SESN3: variants seen among roughly 807,000 people sequenced by gnomAD.
SESN3 encodes the protein sestrin-3.
In SESN3, 21 loss-of-function variants were observed where a neutral mutation model predicts 55.3. The observed-to-expected ratio is 0.38, with a 90% CI of 0.27 to 0.55. SESN3 has a LOEUF of 0.55. Among genes scored for constraint, SESN3 ranks in the 20% least tolerant of loss-of-function variants. SESN3 has a pLI of 0.76. For missense variants in SESN3, 408 were observed against 604.3 expected (o/e 0.68, Z 3.41); for synonymous variants, 181 against 203.1 (o/e 0.89, Z 0.93).
chr11:95,185,621 G>A, intron 4 of SESN3, 129 bp from the exon 5 acceptor site: 1 of 641,900 alleles, frequency 1.6e-6, no homozygotes, highest in Non-Finnish European at 2.7e-6. Context: ...TTTTAAAAAT[G>A]TTTCACATGT....
At chr11:95,178,456 A>G (rs1294420300) in intron 7 of SESN3, among the ~76,000 whole-genome samples, 2 of 152,208 alleles carry the variant, frequency 1.3e-5, no homozygotes, top group African/African-American at 4.8e-5. Flanking sequence ...TGGTATAAAC[A>G]TTATGCAAAT....
chr11:95,207,130 T>C (rs954310183), intron 1 of SESN3, among the ~76,000 whole-genome samples: 8 of 148,234 alleles, frequency 5.4e-5, no homozygotes, highest in Admixed American at 2.0e-4. Flanking sequence ...ACCAGAGGCC[T>C]GCACTAGGCA....
At chr11:95,205,160 TG>T (rs1860525650) in intron 1 of SESN3, among the ~76,000 whole-genome samples, 1 of 152,220 alleles carries the variant, frequency 6.6e-6, no homozygotes, top group Non-Finnish European at 1.5e-5. Context: ...GGAACTATGT[TG>T]TTCTACATGA....
chr11:95,202,230 G>T (rs1297423065), intron 1 of SESN3, among the ~76,000 whole-genome samples: 2 of 152,020 alleles, frequency 1.3e-5, no homozygotes, highest in Non-Finnish European at 2.9e-5. Flanking sequence ...TCAGCAAAGT[G>T]AAAATAATAG....
intron 1 of SESN3, among the ~76,000 whole-genome samples, chr11:95,198,929 T>C (rs1177124804): frequency 6.6e-6 from 1 of 152,088 alleles, no homozygotes; most frequent in African/African-American, 2.4e-5. Flanking sequence ...AAACATGTAC[T>C]AAAGTACTTT....
chr11:95,178,672 G>C, intron 7 of SESN3, 38 bp downstream of exon 7: 1 of 1,198,180 alleles, frequency 8.3e-7, no homozygotes, highest in Admixed American at 1.7e-5. Context: ...TAAAATGACA[G>C]TATGTTCTAG....
rs952260677 is a variant in SESN3, at chr11:95,178,924, A to G, written c.938-96T>C. The G allele has an allele frequency of 6.0e-6, 4 of 667,816 alleles. No individual in the cohort carries two copies. The South Asian group carries it at 6.5e-5, about 11-fold the overall frequency. The allele number at this position is 667,816 out of a possible 1,614,324, so 41.4% of individuals were successfully genotyped here. A position where few individuals can be genotyped will look rare whatever the true frequency, so the allele number is the denominator to read the frequency against. The stretch of plus-strand genomic sequence containing the variant: ...TTTTCTTCCACTTTTTAGCTTTTCC[A>G]TGGATTTCTAAAGTGAAAACATGGA... On this transcript the variant is annotated intron_variant, in intron 6 of 9. Coordinates refer to ENST00000536441, the MANE Select transcript of SESN3 (RefSeq NM_144665.4).
chr11:95,209,141 G>C (rs906275379), intron 1 of SESN3, among the ~76,000 whole-genome samples: 1 of 151,432 alleles, frequency 6.6e-6, no homozygotes, highest in African/African-American at 2.4e-5. Flanking sequence ...GCAATCTACA[G>C]AATGGGAGAA....
At chr11:95,174,727 T>C (rs1051322335) in intron 9 of SESN3, among the ~76,000 whole-genome samples, 4 of 151,970 alleles carry the variant, frequency 2.6e-5, no homozygotes, top group Non-Finnish European at 4.4e-5. Context: ...CCTCAGGTGA[T>C]CCCCCCACCT....
Position 95,185,281 on chromosome 11 carries a change from G to A in SESN3, c.737C>T (p.Ala246Val). ...DLANDNNIEN[A>V]SLSGSNFGIV... ...CCCAAAGTTGCTGCCTGAAAGAGAT[G>A]CATTCTCTATGTTGTTGTCATTAGC... Residue 246 changes from alanine (A) to valine (V), a missense_variant, in exon 5 of 10, where the codon GCA (alanine) becomes GTA (valine). By Grantham distance (64) the Ala-to-Val change is moderately conservative (BLOSUM62 0). Coordinates refer to ENST00000536441, the MANE Select transcript of SESN3 (RefSeq NM_144665.4). 6.2e-7 allele frequency: 1 copy of A among 1,608,130 alleles called. No homozygotes were observed. The highest frequency in any genetic ancestry group is 1.1e-5 in the South Asian group (1 of 90,858).
At chr11:95,192,294 T>C (rs1360877140) in intron 2 of SESN3, among the ~76,000 whole-genome samples, 1 of 152,036 alleles carries the variant, frequency 6.6e-6, no homozygotes, top group African/African-American at 2.4e-5. Flanking sequence ...TCACACACAA[T>C]GACAGTTTGG....
At chr11:95,225,046 T>C (rs1310063562) in intron 1 of SESN3, among the ~76,000 whole-genome samples, 1 of 152,182 alleles carries the variant, frequency 6.6e-6, no homozygotes, top group Non-Finnish European at 1.5e-5. Flanking sequence ...AAAATTTAAA[T>C]TTTCACTGCT....
intron 1 of SESN3, among the ~76,000 whole-genome samples, chr11:95,218,895 G>A (rs957588749): frequency 1.3e-5 from 2 of 152,016 alleles, no homozygotes; most frequent in Non-Finnish European, 2.9e-5. Flanking sequence ...CTCGTGATCC[G>A]CCCGCCTCGG....
chr11:95,218,218 G>A (rs980633571), intron 1 of SESN3, among the ~76,000 whole-genome samples: 2 of 152,214 alleles, frequency 1.3e-5, no homozygotes, highest in African/African-American at 4.8e-5. Flanking sequence ...CTGTGCTTAT[G>A]TGTATGGCCT....
chr11:95,190,361 T>C (rs1860243823), intron 3 of SESN3, among the ~76,000 whole-genome samples: 1 of 151,956 alleles, frequency 6.6e-6, no homozygotes, highest in African/African-American at 2.4e-5. Flanking sequence ...TTACTTCTCT[T>C]ATCCTCTTTA....
rs566728336 is a variant in SESN3, at chr11:95,223,036, G to A, written c.78+7747C>T. 2.6e-5 allele frequency among the ~76,000 whole-genome samples: 4 copies of A among 152,228 alleles called. No individual in the cohort carries two copies. In the East Asian group the frequency reaches 5.8e-4, roughly 22 times the overall value. ...AGTTAGATACAGCTAGTCACTTATA[G>A]GTCTCAGCAGATCTAATCAGACAGA... is the stretch of plus-strand genomic sequence containing the variant. On this transcript the variant is annotated intron_variant, in intron 1 of 9. Coordinates refer to ENST00000536441, the MANE Select transcript of SESN3 (RefSeq NM_144665.4).
chr11:95,174,733 C>A (rs185420949), intron 9 of SESN3, among the ~76,000 whole-genome samples: 1 of 152,134 alleles, frequency 6.6e-6, no homozygotes, highest in African/African-American at 2.4e-5. Flanking sequence ...GTGATCCCCC[C>A]ACCTCGGCCT....
intron 6 of SESN3, among the ~76,000 whole-genome samples, chr11:95,180,099 CAAAAT>C (rs1418372030): frequency 1.3e-5 from 2 of 151,910 alleles, no homozygotes; most frequent in African/African-American, 2.4e-5. Flanking sequence ...ATATATTTCT[CAAAAT>C]AAAAGAACAA....
intron 1 of SESN3, chr11:95,201,277 T>A (rs1437833438): frequency 6.6e-6 from 1 of 152,046 alleles, no homozygotes; most frequent in Non-Finnish European, 1.5e-5. Flanking sequence ...AGTACTGCTA[T>A]TATTAGTGGA....
Sources: gnomAD v4.1 joint callset for allele counts (sites outside exome capture counted in the v4.1 genomes callset) on GRCh38, gnomAD v4.1.1 for gene constraint, MANE v1.5 for transcripts, NCBI Gene and HGNC (gene_info 2026-07-23, HGNC 2026-07-21) for gene names.